Variants in FGGY observed in about 807,000 individuals in gnomAD.
The protein encoded by FGGY is FGGY carbohydrate kinase domain-containing protein.
A neutral mutation model predicts 71.3 loss-of-function variants in FGGY; 72 were observed. That is an observed-to-expected ratio of 1.01 (90% CI 0.84 to 1.23). FGGY has a LOEUF of 1.23. FGGY is among the 50% of genes most tolerant of loss of function. The probability of loss-of-function intolerance (pLI) is 0.00; values close to 1 mark genes in which losing one functional copy is unlikely to be tolerated. For synonymous variants in FGGY, 251 were observed against 250.3 expected (o/e 1.00, Z -0.02); for missense variants, 668 against 682.3 (o/e 0.98, Z 0.23).
chr1:59,312,519 T>G (rs1487923459), intron 1 of FGGY, among the ~76,000 whole-genome samples: 1 of 152,218 alleles, frequency 6.6e-6, no homozygotes, highest in African/African-American at 2.4e-5. Context: ...GTAAATGTGC[T>G]TTATTGGAAC....
At position 59,411,325 on chromosome 1, in the gene FGGY, C is replaced by T. The variant is rs565482564; in HGVS notation, c.554+32488C>T. Among the ~76,000 whole-genome samples the T allele has an allele frequency of 5.3e-5, 8 of 152,336 alleles. No homozygotes were observed. In the South Asian group the frequency reaches 1.7e-3, roughly 32 times the overall value. On this transcript the variant is annotated intron_variant, in intron 5 of 15. Transcript: ENST00000303721. ...AAATGATGTTGTGCCTTTCACAGTG[C>T]ATCACAGCAGGAGGCACATGATGCC... is the stretch of plus-strand genomic sequence containing the variant.
intron 7 of FGGY, among the ~76,000 whole-genome samples, chr1:59,553,291 C>T (rs958401345): frequency 2.2e-4 from 33 of 152,182 alleles, no homozygotes; most frequent in Non-Finnish European, 4.0e-4. Context: ...TTTGTGGCTT[C>T]CACATCACAC....
intron 14 of FGGY, among the ~76,000 whole-genome samples, chr1:59,709,841 G>A (rs1456154794): frequency 6.6e-6 from 1 of 152,184 alleles, no homozygotes; most frequent in East Asian, 1.9e-4. Context: ...TGGCTGACAG[G>A]TGACTTCCAA....
intron 5 of FGGY, among the ~76,000 whole-genome samples, chr1:59,409,015 A>G (rs1441607515): frequency 2.0e-5 from 3 of 152,052 alleles, no homozygotes; most frequent in African/African-American, 7.2e-5. Context: ...TGTAACCTTA[A>G]CCTAAGTTCT....
At chr1:59,328,797 G>A (rs1200638912) in intron 2 of FGGY, among the ~76,000 whole-genome samples, 1 of 151,930 alleles carries the variant, frequency 6.6e-6, no homozygotes, top group African/African-American at 2.4e-5. Context: ...GTTGTGTCTC[G>A]GGGGTAGGGA....
At chr1:59,542,129 A>G (rs570522947) in intron 7 of FGGY, among the ~76,000 whole-genome samples, 1 of 152,200 alleles carries the variant, frequency 6.6e-6, no homozygotes, top group Non-Finnish European at 1.5e-5. Context: ...TCAGTAAAGA[A>G]GGCTTCTTAG....
At chr1:59,641,328 C>G (rs541717260) in intron 11 of FGGY, 35 of 1,603,356 alleles carry the variant, frequency 2.2e-5, no homozygotes, top group Non-Finnish European at 2.9e-5. Flanking sequence ...GTTGCACTCT[C>G]CCAGTTCTCT....
intron 5 of FGGY, among the ~76,000 whole-genome samples, chr1:59,409,601 TATA>T (rs2063303391): frequency 9.3e-4 from 53 of 57,288 alleles, no homozygotes; most frequent in African/African-American, 4.7e-3. Flanking sequence ...GAGTTTTTTA[TATA>T]TATATATATA....
At chr1:59,669,396 G>A (rs1174294363) in intron 13 of FGGY, among the ~76,000 whole-genome samples, 1 of 152,052 alleles carries the variant, frequency 6.6e-6, no homozygotes, top group Non-Finnish European at 1.5e-5. Context: ...CAAAGCAGAA[G>A]GAGGAAAGAC....
chr1:59,688,751 ATT>A lies in FGGY; in HGVS notation c.1512+14633_1512+14634del, dbSNP rs11286707. ...AGTATAAGACCAAGTGTTTTTTAGA[ATT>A]TTTTTTTTTTTTTTGAGATGGAGTC... On this transcript the variant is annotated intron_variant, in intron 14 of 15. Coordinates refer to ENST00000303721, the MANE Select transcript of FGGY (RefSeq NM_018291.5). 3.2e-3 allele frequency among the ~76,000 whole-genome samples: 438 copies of A among 137,080 alleles called. 1 individual carries two copies. Among genetic ancestry groups the A allele is most frequent in the Middle Eastern group, 3.7e-3 (1 of 268 alleles). 89.9% of individuals were successfully genotyped at this position (137,080 alleles called of 152,430 possible).
intron 6 of FGGY, among the ~76,000 whole-genome samples, chr1:59,459,613 T>C (rs2092003175): frequency 6.6e-6 from 1 of 152,178 alleles, no homozygotes; most frequent in Admixed American, 6.5e-5. Flanking sequence ...TCTGTGTCAA[T>C]AAATTTTGAC....
At chr1:59,525,064 G>A (rs1389102664) in intron 7 of FGGY, among the ~76,000 whole-genome samples, 7 of 152,198 alleles carry the variant, frequency 4.6e-5, no homozygotes, top group Non-Finnish European at 5.9e-5. Flanking sequence ...CCAGGTGCCC[G>A]TGTTCCCCTC....
chr1:59,669,898 A>C (rs1234336840), intron 13 of FGGY, among the ~76,000 whole-genome samples: 3 of 152,162 alleles, frequency 2.0e-5, no homozygotes, highest in Non-Finnish European at 4.4e-5. Flanking sequence ...CAGGCCCTAC[A>C]TCCCTGGGCT....
At chr1:59,647,079 T>C (rs1435530440) in intron 11 of FGGY, among the ~76,000 whole-genome samples, 5 of 152,054 alleles carry the variant, frequency 3.3e-5, no homozygotes, top group South Asian at 4.1e-4. Flanking sequence ...TCATGTGGCA[T>C]GATAAAAGAC....
intron 9 of FGGY, among the ~76,000 whole-genome samples, chr1:59,620,828 G>A (rs1006102732): frequency 6.6e-6 from 1 of 151,982 alleles, no homozygotes; most frequent in South Asian, 2.1e-4. Context: ...AGCTCTTCAC[G>A]CTGTAGTTTG....
intron 7 of FGGY, among the ~76,000 whole-genome samples, chr1:59,527,067 A>G (rs2095007913): frequency 6.6e-6 from 1 of 152,232 alleles, no homozygotes; most frequent in African/African-American, 2.4e-5. Context: ...TATCTGTTCA[A>G]ATAGCTTTCT....
At chr1:59,731,017 T>C (rs1379808541) in intron 14 of FGGY, among the ~76,000 whole-genome samples, 1 of 152,230 alleles carries the variant, frequency 6.6e-6, no homozygotes, top group African/African-American at 2.4e-5. Context: ...TCACCAATGC[T>C]GAGTGATGGA....
At chr1:59,662,275 G>A (rs918948819) in intron 12 of FGGY, among the ~76,000 whole-genome samples, 45 of 148,744 alleles carry the variant, frequency 3.0e-4, no homozygotes, top group African/African-American at 8.7e-4. Flanking sequence ...AACTGAGATC[G>A]CGCCACTGCA....
rs200532836 is a variant in FGGY at position 59,660,190 on chromosome 1, T to A, written c.1222-29T>A. The A allele has an allele frequency of 2.5e-6, 4 of 1,601,926 alleles. No homozygotes were observed. In the East Asian group the frequency reaches 8.9e-5, roughly 36 times the overall value. ...TCCACGGCAGCTTCTTTTGACCATC[T>A]TCTTCTTTTCTTCCCTTCATGCCTG... On this transcript the variant is annotated intron_variant, in intron 11 of 15. Coordinates refer to ENST00000303721, the MANE Select transcript of FGGY (RefSeq NM_018291.5).
Sources: gnomAD v4.1 joint callset for allele counts (sites outside exome capture counted in the v4.1 genomes callset) on GRCh38, gnomAD v4.1.1 for gene constraint, MANE v1.5 for transcripts, NCBI Gene and HGNC (gene_info 2026-07-23, HGNC 2026-07-21) for gene names.